The following RERE variants were observed in gnomAD, a reference collection of about 807,000 sequenced individuals.
The protein encoded by RERE is arginine-glutamic acid dipeptide repeats protein.
Under a neutral mutation model 146.1 loss-of-function variants are expected in RERE, and 40 were observed. That is an observed-to-expected ratio of 0.27 (90% CI 0.21 to 0.36). RERE has a LOEUF of 0.36. Ranked by LOEUF, RERE falls within the 10% of genes least tolerant of loss-of-function variation. The pLI, the probability that RERE is intolerant of heterozygous loss-of-function variation, is 1.00. For synonymous variants in RERE, 1,003 were observed against 866.0 expected (o/e 1.16, Z -2.78); for missense variants, 1,933 against 2,138.7 (o/e 0.90, Z 1.90).
intron 1 of RERE, among the ~76,000 whole-genome samples, chr1:8,806,139 A>G (rs1641688643): frequency 6.6e-6 from 1 of 152,102 alleles, no homozygotes; most frequent in African/African-American, 2.4e-5. Flanking sequence ...GGCATGAGCC[A>G]CTGCACCCGG....
intron 7 of RERE, chr1:8,525,698 A>C: frequency 6.6e-7 from 1 of 1,505,100 alleles, no homozygotes. Flanking sequence ...ACACCTTCAG[A>C]AGTGAGAAAG....
chr1:8,443,981 G>A (rs1208868166), intron 11 of RERE, among the ~76,000 whole-genome samples: 1 of 152,200 alleles, frequency 6.6e-6, no homozygotes, highest in Non-Finnish European at 1.5e-5. Flanking sequence ...AGTGTAGAGG[G>A]GAAATGTGGG....
At chr1:8,574,847 C>A (rs1646270950) in intron 4 of RERE, among the ~76,000 whole-genome samples, 1 of 152,164 alleles carries the variant, frequency 6.6e-6, no homozygotes, top group South Asian at 2.1e-4. Flanking sequence ...AGAAGTTAGA[C>A]AGATGTGTTC....
chr1:8,816,803 CACAA>C (rs1431640806), intron 1 of RERE, among the ~76,000 whole-genome samples: 5 of 152,220 alleles, frequency 3.3e-5, no homozygotes, highest in Admixed American at 2.0e-4. Context: ...CCCCGAAATC[CACAA>C]ACATTCAAGA....
chr1:8,488,372 A>T (rs1358072516), intron 10 of RERE, among the ~76,000 whole-genome samples: 1 of 152,014 alleles, frequency 6.6e-6, no homozygotes, highest in Non-Finnish European at 1.5e-5. Context: ...CAGCCTCCTG[A>T]ATAGCTGAGA....
intron 2 of RERE, among the ~76,000 whole-genome samples, chr1:8,640,228 C>T (rs1647158593): frequency 6.6e-6 from 1 of 151,920 alleles, no homozygotes; most frequent in African/African-American, 2.4e-5. Context: ...CTCCACTTTC[C>T]CTTTCTAAAA....
chr1:8,635,856 G>GA (rs1395683893), intron 2 of RERE, among the ~76,000 whole-genome samples: 20 of 151,926 alleles, frequency 1.3e-4, no homozygotes, highest in African/African-American at 4.8e-4. Context: ...ATGCTAAGGC[G>GA]AAAAAAACAC....
In RERE at chr1:8,547,364, GCTTT is replaced by G. The variant is rs140164598; in HGVS notation, c.726-6050_726-6047del. Among the ~76,000 whole-genome samples, 1,211 of 143,596 alleles carry G rather than the reference GCTTT, an allele frequency of 8.4e-3. 12 individuals carry two copies. The highest frequency in any genetic ancestry group is 0.03 in the African/African-American group (1,157 of 39,208). 94.2% of individuals were successfully genotyped at this position (143,596 alleles called of 152,430 possible). On this transcript the variant is annotated intron_variant, in intron 6 of 22. Transcript: ENST00000400908. ...TTTTTTAAATATGGTGTAGGGAAAG[GCTTT>G]CTAACTATGACTCAAAATCCAGAGG...
intron 4 of RERE, among the ~76,000 whole-genome samples, chr1:8,583,794 A>G (rs1177050135): frequency 3.3e-5 from 5 of 152,060 alleles, no homozygotes; most frequent in Non-Finnish European, 7.4e-5. Context: ...TTTTTTTAAC[A>G]CTGCATAAAA....
At chr1:8,793,933 G>A (rs951358863) in intron 1 of RERE, among the ~76,000 whole-genome samples, 21 of 152,048 alleles carry the variant, frequency 1.4e-4, no homozygotes, top group Non-Finnish European at 2.9e-5. Context: ...AAATGTGGTG[G>A]CTCATGCCTG....
chr1:8,418,812 C>T (rs949983971), intron 12 of RERE, among the ~76,000 whole-genome samples: 8 of 152,142 alleles, frequency 5.3e-5, no homozygotes, highest in Non-Finnish European at 1.2e-4. Flanking sequence ...ATTAGGCCTC[C>T]TACTTTTTCA....
intron 2 of RERE, among the ~76,000 whole-genome samples, chr1:8,643,238 G>A (rs888234445): frequency 2.6e-5 from 4 of 152,096 alleles, no homozygotes; most frequent in African/African-American, 9.7e-5. Context: ...TCATCACCAG[G>A]CTGCATTCCT....
chr1:8,510,698 A>C (rs1181064201), intron 7 of RERE, among the ~76,000 whole-genome samples: 1 of 152,212 alleles, frequency 6.6e-6, no homozygotes, highest in Non-Finnish European at 1.5e-5. Flanking sequence ...CAAAAGCTCT[A>C]AATACTTTCC....
intron 1 of RERE, among the ~76,000 whole-genome samples, chr1:8,749,990 A>G (rs1438331656): frequency 6.6e-6 from 1 of 152,026 alleles, no homozygotes; most frequent in Non-Finnish European, 1.5e-5. Context: ...CATCTCTACT[A>G]AAAATACAAA....
At position 8,786,348 on chromosome 1, in the gene RERE, T is replaced by C. The variant is rs1214181241; in HGVS notation, c.-145+30812A>G. ...AGTTATTTGCTTCTTTAAAGCGTTT[T>C]CCAACAGTATAGATGTCATGAATCA... On this transcript the variant is annotated intron_variant, in intron 1 of 22. Coordinates refer to ENST00000400908, the MANE Select transcript of RERE (RefSeq NM_001042681.2). The C allele has an allele frequency of 9.4e-6, 8 of 850,962 alleles. 1 individual carries two copies. The South Asian group carries it at 1.0e-4, about 11-fold the overall frequency. 52.7% of individuals were successfully genotyped at this position (850,962 alleles called of 1,614,324 possible).
chr1:8,689,494 A>G (rs953988334), intron 1 of RERE, among the ~76,000 whole-genome samples: 4 of 152,232 alleles, frequency 2.6e-5, no homozygotes, highest in African/African-American at 9.6e-5. Context: ...TTCAGGTAAT[A>G]TCACATTTCT....
chr1:8,536,192 A>C (rs1380678519), intron 7 of RERE, among the ~76,000 whole-genome samples: 1 of 152,216 alleles, frequency 6.6e-6, no homozygotes, highest in African/African-American at 2.4e-5. Flanking sequence ...GAAGAAACAA[A>C]AAATCTGACA....
chr1:8,760,010 C>A (rs1640721665), intron 1 of RERE, among the ~76,000 whole-genome samples: 1 of 152,098 alleles, frequency 6.6e-6, no homozygotes, highest in South Asian at 2.1e-4. Context: ...CTAGGCCTAT[C>A]ATTAGTTTAG....
At chr1:8,749,266 A>G (rs1407877554) in intron 1 of RERE, among the ~76,000 whole-genome samples, 1 of 152,214 alleles carries the variant, frequency 6.6e-6, no homozygotes, top group Admixed American at 6.5e-5. Context: ...GATCATTGTG[A>G]GCTTATTCAT....
Sources: allele counts gnomAD v4.1 joint callset (sites outside exome capture counted in the v4.1 genomes callset), GRCh38; gene constraint gnomAD v4.1.1; transcripts MANE v1.5; gene names NCBI Gene and HGNC (gene_info 2026-07-23, HGNC 2026-07-21).